The following XPC variants were observed in gnomAD, a reference collection of about 807,000 sequenced individuals.
The protein encoded by XPC is XPC complex subunit, DNA damage recognition and repair factor.
In XPC, 76 loss-of-function variants were observed where a neutral mutation model predicts 95.8. The observed-to-expected ratio is 0.79, with a 90% CI of 0.66 to 0.96. The LOEUF (loss-of-function observed/expected upper bound fraction) is 0.96, where lower values mean the gene tolerates loss of function less well. XPC is among the 40% of genes least tolerant of loss of function. The probability of loss-of-function intolerance (pLI) is 0.00; values close to 1 mark genes in which losing one functional copy is unlikely to be tolerated. For synonymous variants in XPC, 442 were observed against 442.1 expected, an observed-to-expected ratio of 1.00 and a Z score of 0.00; for missense variants, 1,146 against 1,179.8, an observed-to-expected ratio of 0.97 and a Z score of 0.42.
intron 1 of XPC, among the ~76,000 whole-genome samples, chr3:14,173,734 T>C (rs937113538): frequency 2.0e-5 from 3 of 152,186 alleles, no homozygotes; most frequent in Non-Finnish European, 2.9e-5. Flanking sequence ...TCTAAAATTA[T>C]GGTTTATTTA....
chr3:14,165,622 G>A (rs1382679147), intron 5 of XPC, 37 bp from the exon 6 acceptor site: 2 of 1,608,202 alleles, frequency 1.2e-6, no homozygotes, highest in Admixed American at 1.7e-5. Context: ...AGCATGGAAG[G>A]AAGGCCGGAC....
rs376018905 is a variant in XPC, at chr3:14,173,019, G to A, written c.147C>T (p.Ser49=). 44 of 1,608,526 alleles carry A rather than the reference G, an allele frequency of 2.7e-5. No homozygotes were observed. Among genetic ancestry groups the A allele is most frequent in the African/African-American group, 4.0e-5 (3 of 74,518 alleles). The stretch of plus-strand genomic sequence containing the variant: ...TTTTCCTCTTTCCTTGTGAAACTTT[G>A]GAGAGAAGGCTCTTCTTTGGGGGTT... ...DEKPPKKSLL[S]KVSQGKRKRG... The change falls in exon 2 of 16, where the codon TCC becomes TCT. Residue 49 remains serine, a synonymous_variant. Transcript: ENST00000285021.
chr3:14,148,123 G>T lies in XPC; in HGVS notation c.2421-122C>A, dbSNP rs7638104. ...CACTAGGGGTCCTGAAGGATGTCGC[G>T]GGTCAGCCAGTGTCCCACATCCTCC... is the stretch of plus-strand genomic sequence containing the variant. On this transcript the variant is annotated intron_variant, in intron 13 of 15. Coordinates refer to ENST00000285021, the MANE Select transcript of XPC (RefSeq NM_004628.5). 6 of 819,710 alleles carry T rather than the reference G, an allele frequency of 7.3e-6. No individual in the cohort carries two copies. The African/African-American group carries it at 8.6e-5, about 12-fold the overall frequency. The allele number at this position is 819,710 out of a possible 1,614,324, so 50.8% of individuals were successfully genotyped here.
chr3:14,148,065 C>T (rs1574949157), intron 13 of XPC, 64 bp from the exon 14 acceptor site: 1 of 1,425,342 alleles, frequency 7.0e-7, no homozygotes, highest in Non-Finnish European at 9.6e-7. Flanking sequence ...TCCTCCCTCC[C>T]CAGTTTGTGG....
intron 10 of XPC, among the ~76,000 whole-genome samples, chr3:14,154,672 G>C (rs1447878747): frequency 6.6e-6 from 1 of 152,138 alleles, no homozygotes; most frequent in Non-Finnish European, 1.5e-5. Context: ...TGGGGACGGA[G>C]TTTTGGTTTG....
chr3:14,178,118 TG>T (rs1696909026), intron 1 of XPC, among the ~76,000 whole-genome samples: 1 of 152,250 alleles, frequency 6.6e-6, no homozygotes, highest in Non-Finnish European at 1.5e-5. Context: ...GTCAGCACAC[TG>T]CATCACTCTA....
intron 10 of XPC, 136 bp downstream of exon 10, chr3:14,156,199 A>G: frequency 9.1e-7 from 1 of 1,101,270 alleles, no homozygotes; most frequent in Non-Finnish European, 1.3e-6. Flanking sequence ...ACACACACAC[A>G]GCACACGCAC....
intron 10 of XPC, chr3:14,153,351 T>C (rs1272541567): frequency 6.6e-6 from 1 of 152,270 alleles, no homozygotes; most frequent in African/African-American, 2.4e-5. Flanking sequence ...TTTATGATGA[T>C]GCAAAAGCAA....
intron 9 of XPC, 28 bp from the exon 10 acceptor site, chr3:14,156,523 G>A (rs1262268228): frequency 6.2e-7 from 1 of 1,613,440 alleles, no homozygotes; most frequent in Non-Finnish European, 8.5e-7. Flanking sequence ...ACAAGGTTGA[G>A]CATGTTATTT....
intron 10 of XPC, among the ~76,000 whole-genome samples, chr3:14,155,012 C>A (rs1695845012): frequency 6.6e-6 from 1 of 152,210 alleles, no homozygotes; most frequent in African/African-American, 2.4e-5. Context: ...CCCGTACATA[C>A]CCATAAGAGG....
chr3:14,175,809 T>C (rs544260619), intron 1 of XPC, among the ~76,000 whole-genome samples: 1 of 152,322 alleles, frequency 6.6e-6, no homozygotes, highest in African/African-American at 2.4e-5. Flanking sequence ...CACCAAATTA[T>C]TGTCATCTGC....
rs1172504091 is a variant in XPC, at chr3:14,145,568, A to G, written c.*373T>C. The G allele has an allele frequency of 2.9e-6, 2 of 699,926 alleles. No homozygotes were observed. Among genetic ancestry groups the G allele is most frequent in the South Asian group, 3.0e-5 (2 of 67,052 alleles). The allele number at this position is 699,926 out of a possible 1,614,324, so 43.4% of individuals were successfully genotyped here. On this transcript the variant is annotated 3_prime_UTR_variant, in exon 16 of 16. Coordinates refer to ENST00000285021, the MANE Select transcript of XPC (RefSeq NM_004628.5). Reference sequence around the variant, plus strand: ...CGATCAGCGCATTCACGGATGCACCACCATCCAGAAATCTCCCGGTGGCTT... The same window carrying G: ...CGATCAGCGCATTCACGGATGCACCGCCATCCAGAAATCTCCCGGTGGCTT...
At position 14,145,889 on chromosome 3, in the gene XPC, C is replaced by A. The variant is rs927299460; in HGVS notation, c.*52G>T. 27 of 1,573,130 alleles carry A rather than the reference C, an allele frequency of 1.7e-5. No homozygotes were observed. The highest frequency in any genetic ancestry group is 2.3e-5 in the East Asian group (1 of 44,350). ...GGGCATGCCCAGGGCAGGTGTGGGG[C>A]CTGTAGTGGGGCAGCAGCAACTGGT... On this transcript the variant is annotated 3_prime_UTR_variant, in exon 16 of 16. Coordinates refer to ENST00000285021, the MANE Select transcript of XPC (RefSeq NM_004628.5).
intron 7 of XPC, among the ~76,000 whole-genome samples, chr3:14,160,340 A>G (rs1326908733): frequency 1.3e-5 from 2 of 152,172 alleles, no homozygotes; most frequent in African/African-American, 4.8e-5. Flanking sequence ...TTTTCCCCAC[A>G]TTGAATCTTT....
rs767001942 is a variant in XPC at position 14,158,583 on chromosome 3, TCTC to T, written c.1297_1299del (p.Glu433del). On this transcript the variant is annotated inframe_deletion, in exon 9 of 16. Transcript: ENST00000285021. The surrounding 1 kb of genome is among the most constrained non-coding windows in gnomAD (Gnocchi z 5.2). ...CCGCTGCCAGCCTCATCACTCCCAC[TCTC>T]CTCTTTATAAGACACCCTGGAGGCC... 6.2e-7 allele frequency: 1 copy of T among 1,613,384 alleles called. No homozygotes were observed. Among genetic ancestry groups the T allele is most frequent in the Non-Finnish European group, 8.5e-7 (1 of 1,179,818 alleles).
chr3:14,177,355 G>A (rs1696866695), intron 1 of XPC, among the ~76,000 whole-genome samples: 1 of 152,132 alleles, frequency 6.6e-6, no homozygotes, highest in South Asian at 2.1e-4. Context: ...GAGCATCACA[G>A]GTTTTAGTAT....
chr3:14,149,344 C>G (rs971110160), intron 11 of XPC, among the ~76,000 whole-genome samples: 2 of 152,114 alleles, frequency 1.3e-5, no homozygotes. Flanking sequence ...CTCAACCTCC[C>G]AAAGGGCTGG....
At chr3:14,165,669 C>G (rs907296156) in intron 5 of XPC, 84 bp from the exon 6 acceptor site, 2 of 1,509,286 alleles carry the variant, frequency 1.3e-6, no homozygotes, top group African/African-American at 1.4e-5. Flanking sequence ...TCAAGACATG[C>G]TGTGGACAAG....
In XPC at chr3:14,158,110, T is replaced by C. The variant is rs780345675; in HGVS notation, c.1773A>G (p.Thr591=). The C allele has an allele frequency of 1.1e-5, 17 of 1,613,904 alleles. No homozygotes were observed. In the Admixed American group the frequency reaches 2.0e-4, roughly 19 times the overall value. The part of the protein sequence containing the change: ...VTQRYDPVWM[T]VTRKCRVDAE... ...CATCAACCCGGCACTTGCGGGTCAC[T>C]GTCATCCAGACTGGGTCGTACCTCT... The change falls in exon 9 of 16, where the codon ACA becomes ACG. Residue 591 remains threonine, a synonymous_variant. Transcript: ENST00000285021. The surrounding 1 kb of genome is among the most constrained non-coding windows in gnomAD (Gnocchi z 5.2).
Sources: allele counts gnomAD v4.1 joint callset (sites outside exome capture counted in the v4.1 genomes callset), GRCh38; gene constraint gnomAD v4.1.1; non-coding constraint Gnocchi (gnomAD v3.1); transcripts MANE v1.5; gene names NCBI Gene and HGNC (gene_info 2026-07-23, HGNC 2026-07-21).